XIRP2: variants seen among roughly 807,000 people sequenced by gnomAD.
XIRP2 encodes xin actin binding repeat containing 2, also known as xin actin-binding repeat-containing protein 2.
XIRP2 carries 236 observed loss-of-function variants against 277.0 expected under a neutral mutation model. That is an observed-to-expected ratio of 0.85 (90% CI 0.77 to 0.95). The LOEUF (loss-of-function observed/expected upper bound fraction) is 0.95. XIRP2 is among the 40% of genes least tolerant of loss of function. XIRP2 has a pLI of 0.00. For synonymous variants in XIRP2, 1,490 were observed against 1,416.5 expected (o/e 1.05, Z -1.17); for missense variants, 4,640 against 4,157.5 (o/e 1.12, Z -3.19).
At position 167,244,627 on chromosome 2, in the gene XIRP2, A is replaced by G. The variant is rs1695187067; in HGVS notation, c.3235A>G (p.Lys1079Glu). 6.2e-7 allele frequency: 1 copy of G among 1,613,064 alleles called. No individual in the cohort carries two copies. Among genetic ancestry groups the G allele is most frequent in the African/African-American group, 1.3e-5 (1 of 74,890 alleles). Residue 1079 changes from lysine to glutamate, a missense_variant, in exon 9 of 11, where the codon AAA (lysine) becomes GAA (glutamate). Transcript: ENST00000409195. ...TAGTGATGTGGAAGAAACAGAAAGT[A>G]AAACTGAACAAACTAGAGATATTGT... ...YFSDVEETES[K>E]TEQTRDIVKG...
intron 3 of XIRP2, among the ~76,000 whole-genome samples, chr2:167,145,455 G>A (rs1463140363): frequency 6.6e-6 from 1 of 152,156 alleles, no homozygotes; most frequent in East Asian, 1.9e-4. Flanking sequence ...TATAGTAGGA[G>A]CCTTCAAATT....
At chr2:166,947,026 T>A (rs759997448) in intron 2 of XIRP2, among the ~76,000 whole-genome samples, 6 of 152,160 alleles carry the variant, frequency 3.9e-5, no homozygotes, top group Non-Finnish European at 8.8e-5. Context: ...AAAAGTATGA[T>A]AAATGCTTTG....
intron 2 of XIRP2, among the ~76,000 whole-genome samples, chr2:167,023,760 G>A (rs529986536): frequency 3.2e-4 from 49 of 152,172 alleles, no homozygotes; most frequent in African/African-American, 1.1e-3. Flanking sequence ...AAGATCAGAT[G>A]GTTGTAGATA....
At chr2:167,168,210 G>A (rs1223575536) in intron 3 of XIRP2, among the ~76,000 whole-genome samples, 3 of 152,066 alleles carry the variant, frequency 2.0e-5, no homozygotes, top group Admixed American at 1.3e-4. Context: ...ATATGACTAC[G>A]TGTAGACTTT....
intron 2 of XIRP2, among the ~76,000 whole-genome samples, chr2:167,071,688 G>A (rs1553483936): frequency 6.6e-6 from 1 of 152,290 alleles, no homozygotes; most frequent in South Asian, 2.1e-4. Flanking sequence ...ATGTATGGCA[G>A]CAAACCAAAA....
intron 3 of XIRP2, among the ~76,000 whole-genome samples, chr2:167,191,774 C>T (rs1441010129): frequency 1.3e-5 from 2 of 152,180 alleles, no homozygotes; most frequent in Admixed American, 6.5e-5. Context: ...TTGTCTTTTA[C>T]ATTTTTCGAA....
chr2:167,049,209 A>T (rs1688859857), intron 2 of XIRP2, among the ~76,000 whole-genome samples: 1 of 149,730 alleles, frequency 6.7e-6, no homozygotes. Context: ...ATCAGGGTTC[A>T]TTACTTTTTC....
intron 2 of XIRP2, among the ~76,000 whole-genome samples, chr2:166,948,618 T>A (rs927248675): frequency 3.3e-5 from 5 of 152,100 alleles, no homozygotes; most frequent in Non-Finnish European, 7.4e-5. Context: ...AGCAGTTGCC[T>A]GTGTCTGTAT....
intron 3 of XIRP2, among the ~76,000 whole-genome samples, chr2:167,156,950 A>G (rs1467495185): frequency 3.9e-5 from 6 of 152,180 alleles, no homozygotes; most frequent in Non-Finnish European, 5.9e-5. Context: ...TCCAAGCCCC[A>G]TTGAACTTTG....
At chr2:167,031,908 C>A (rs146060293) in intron 2 of XIRP2, among the ~76,000 whole-genome samples, 1 of 152,020 alleles carries the variant, frequency 6.6e-6, no homozygotes, top group African/African-American at 2.4e-5. Flanking sequence ...AGTGCTACCC[C>A]CATCAAGCTG....
At chr2:166,978,332 T>A (rs2105429460) in intron 2 of XIRP2, among the ~76,000 whole-genome samples, 2 of 152,286 alleles carry the variant, frequency 1.3e-5, no homozygotes, top group Middle Eastern at 3.4e-3. Flanking sequence ...ATTTTTATTC[T>A]TTTTCTTCAA....
Position 167,247,779 on chromosome 2 carries a change from G to T in XIRP2, c.6387G>T (p.Leu2129=), listed in dbSNP as rs778833241. The T allele has an allele frequency of 6.2e-7, 1 of 1,613,284 alleles. No homozygotes were observed. The highest frequency in any genetic ancestry group is 1.7e-5 in the Admixed American group (1 of 59,924). The change falls in exon 9 of 11, where the codon CTG becomes CTT. Residue 2129 remains leucine (L), a synonymous_variant. Transcript: ENST00000409195. ...KTVGKQQTYE[L]RNDHQKMEGF... ...TTGGAAAGCAACAGACATATGAACT[G>T]AGAAATGACCACCAGAAAATGGAGG... is the stretch of plus-strand genomic sequence containing the variant.
rs760008864 is a variant in XIRP2, at chr2:167,243,832, A to T, written c.2440A>T (p.Thr814Ser). ...GVSKAKWLFE[T>S]QPLEKIKESE... ...GAGTAAGGCAAAGTGGTTATTTGAA[A>T]CCCAACCTTTGGAGAAAATCAAAGA... The change falls in exon 9 of 11, where the codon ACC becomes TCC. Residue 814 changes from threonine to serine, a missense_variant. Thr to Ser is a moderately conservative substitution (Grantham distance 58, BLOSUM62 1). Transcript: ENST00000409195. The T allele has an allele frequency of 1.2e-6, 2 of 1,614,018 alleles. No individual in the cohort carries two copies. The highest frequency in any genetic ancestry group is 3.3e-5 in the Admixed American group (2 of 59,994).
At chr2:167,138,853 G>C (rs112078108) in intron 3 of XIRP2, among the ~76,000 whole-genome samples, 12,702 of 152,048 alleles carry the variant, frequency 0.084, 644 homozygotes, top group African/African-American at 0.13. Flanking sequence ...ATCACCTAGG[G>C]TCAGGAGTTT....
chr2:166,959,575 G>A (rs1001143640), intron 2 of XIRP2, among the ~76,000 whole-genome samples: 1 of 151,810 alleles, frequency 6.6e-6, no homozygotes, highest in Non-Finnish European at 1.5e-5. Flanking sequence ...CAACCATTAT[G>A]AAGGAATCCT....
intron 2 of XIRP2, among the ~76,000 whole-genome samples, chr2:167,094,773 T>A (rs1487786749): frequency 6.6e-6 from 1 of 152,202 alleles, no homozygotes; most frequent in Non-Finnish European, 1.5e-5. Context: ...TTTATTCTTT[T>A]TGCTTAGGAT....
intron 3 of XIRP2, among the ~76,000 whole-genome samples, chr2:167,149,911 CAAGA>C (rs1173950336): frequency 2.0e-5 from 3 of 151,692 alleles, no homozygotes; most frequent in Non-Finnish European, 4.4e-5. Flanking sequence ...AGGCATCTGC[CAAGA>C]AAGAGACAAC....
intron 8 of XIRP2, among the ~76,000 whole-genome samples, chr2:167,242,137 A>G (rs1031597242): frequency 5.9e-5 from 9 of 152,146 alleles, no homozygotes; most frequent in Admixed American, 2.6e-4. Context: ...TATATGTTCT[A>G]AAGTCTAATA....
rs138261828 is a variant in XIRP2 at position 166,898,555 on chromosome 2, C to G, written c.-18-4910C>G. ...CATAGCAAAGATAGTACAGAGAGAT[C>G]TTTTGTATGATTTATCTAGTTTCCT... On this transcript the variant is annotated intron_variant, in intron 1 of 10. Coordinates refer to ENST00000409195, the MANE Select transcript of XIRP2 (RefSeq NM_152381.6). 9.4e-3 allele frequency among the ~76,000 whole-genome samples: 1,426 copies of G among 152,196 alleles called. 22 individuals carry two copies. The highest frequency in any genetic ancestry group is 0.031 in the African/African-American group (1,288 of 41,538).
Sources: gnomAD v4.1 joint callset for allele counts (sites outside exome capture counted in the v4.1 genomes callset) on GRCh38, gnomAD v4.1.1 for gene constraint, MANE v1.5 for transcripts, NCBI Gene and HGNC (gene_info 2026-07-23, HGNC 2026-07-21) for gene names.